The following KLF15 variants were observed in gnomAD, a reference collection of about 807,000 sequenced individuals.
KLF15 encodes the protein KLF transcription factor 15, also known as Krueppel-like factor 15.
In KLF15, 4 loss-of-function variants were observed where a neutral mutation model predicts 24.6. That is an observed-to-expected ratio of 0.16 (90% CI 0.08 to 0.37). KLF15 has a LOEUF of 0.37. Among genes scored for constraint, KLF15 ranks in the 10% least tolerant of loss-of-function variants. The pLI is 1.00. For synonymous variants in KLF15, 246 were observed against 236.3 expected, an observed-to-expected ratio of 1.04 and a Z score of -0.37; for missense variants, 496 against 560.6, an observed-to-expected ratio of 0.88 and a Z score of 1.16.
At chr3:126,338,325 C>T (rs539812251), downstream of KLF15, among the ~76,000 whole-genome samples, 31 of 152,218 alleles carry the variant, frequency 2.0e-4, no homozygotes, top group Admixed American at 1.7e-3. Flanking sequence ...TGACCGTCCA[C>T]GCCTTGTCCA....
intron 2 of KLF15, among the ~76,000 whole-genome samples, 178 bp from the exon 3 acceptor site, chr3:126,344,073 C>T (rs2082510203): frequency 6.6e-6 from 1 of 152,192 alleles, no homozygotes; most frequent in South Asian, 2.1e-4. Flanking sequence ...TAAGGCTATA[C>T]CAGTTCTCAA....
Position 126,350,012 on chromosome 3 carries a change from G to A in KLF15, c.1082+1829C>T, listed in dbSNP as rs117722730. ...GAGCCCTGCACGCCTGCCCTGGGCT[G>A]CAAAGGGCTAGCCCTCCACTCTGCA... On this transcript the variant is annotated intron_variant, in intron 2 of 2. Coordinates refer to ENST00000296233, the MANE Select transcript of KLF15 (RefSeq NM_014079.4). Among the ~76,000 whole-genome samples the A allele has an allele frequency of 7.0e-4, 107 of 152,310 alleles. No homozygotes were observed. In the East Asian group the frequency reaches 0.02, roughly 28 times the overall value.
chr3:126,296,640 C>A, the KLF15 span, among the ~76,000 whole-genome samples: 2 of 152,222 alleles, frequency 1.3e-5, no homozygotes, highest in Non-Finnish European at 2.9e-5. Flanking sequence ...CAAGTCCAGC[C>A]GAGTGAATGT....
At chr3:126,329,057 A>G in the KLF15 span, among the ~76,000 whole-genome samples, 1 of 152,222 alleles carries the variant, frequency 6.6e-6, no homozygotes, top group African/African-American at 2.4e-5. Flanking sequence ...AGTGTCAAGC[A>G]TGTCTATCTT....
the KLF15 span, among the ~76,000 whole-genome samples, chr3:126,331,013 C>G: frequency 6.6e-6 from 1 of 152,162 alleles, no homozygotes; most frequent in Admixed American, 6.5e-5. Flanking sequence ...AGTGAACTGA[C>G]ATGAATGGGG....
In KLF15 at chr3:126,342,805, TAC is replaced by T. The variant is rs1207405366; in HGVS notation, c.*920_*921del. Reference sequence around the variant, plus strand: ...GATATTTTATGTGGATGGACCTATGTACAGTTTATTTACATACATTCATAGGA... The same window carrying T: ...GATATTTTATGTGGATGGACCTATGTAGTTTATTTACATACATTCATAGGA... On this transcript the variant is annotated 3_prime_UTR_variant, in exon 3 of 3. Transcript: ENST00000296233. The T allele has an allele frequency of 1.3e-5, 2 of 152,628 alleles. No individual in the cohort carries two copies. Among genetic ancestry groups the T allele is most frequent in the African/African-American group, 4.8e-5 (2 of 41,454 alleles). The allele number at this position is 152,628 out of a possible 1,614,324, so 9.5% of individuals were successfully genotyped here.
At chr3:126,301,861 G>A in the KLF15 span, among the ~76,000 whole-genome samples, 3 of 151,520 alleles carry the variant, frequency 2.0e-5, no homozygotes, top group Non-Finnish European at 2.9e-5. Context: ...GTGATCTACC[G>A]GCCTCAGCCT....
chr3:126,293,946 C>G, the KLF15 span: 1 of 152,218 alleles, frequency 6.6e-6, no homozygotes, highest in Admixed American at 6.5e-5. Flanking sequence ...AGCTGGACGG[C>G]AGGCAGGCCC....
At chr3:126,321,176 C>A in the KLF15 span, among the ~76,000 whole-genome samples, 1 of 152,204 alleles carries the variant, frequency 6.6e-6, no homozygotes, top group Non-Finnish European at 1.5e-5. Context: ...ATGTCTTCTG[C>A]AGAGTGCTCT....
At chr3:126,321,208 C>A in the KLF15 span, among the ~76,000 whole-genome samples, 1 of 152,204 alleles carries the variant, frequency 6.6e-6, no homozygotes, top group African/African-American at 2.4e-5. Context: ...ACGGCAGAAC[C>A]AAGTCTCTCT....
the KLF15 span, among the ~76,000 whole-genome samples, chr3:126,330,189 G>T: frequency 6.6e-6 from 1 of 152,204 alleles, no homozygotes; most frequent in African/African-American, 2.4e-5. Context: ...AGCCCAGCCT[G>T]AGTCACAGCA....
At chr3:126,345,357 C>G (rs2082526477) in intron 2 of KLF15, among the ~76,000 whole-genome samples, 1 of 151,964 alleles carries the variant, frequency 6.6e-6, no homozygotes, top group African/African-American at 2.4e-5. Flanking sequence ...CTTCCCATGA[C>G]CAGCCCAATG....
chr3:126,338,374 G>T (rs1285574562), downstream of KLF15, among the ~76,000 whole-genome samples: 1 of 152,234 alleles, frequency 6.6e-6, no homozygotes, highest in African/African-American at 2.4e-5. Context: ...CTTTGCTGTG[G>T]AAACAGACAG....
the KLF15 span, among the ~76,000 whole-genome samples, chr3:126,333,942 A>G: frequency 4.6e-5 from 7 of 150,944 alleles, no homozygotes; most frequent in Non-Finnish European, 5.9e-5. Flanking sequence ...GTGACCTACA[A>G]AGAGACTTAG....
chr3:126,342,682 A>C lies in KLF15; in HGVS notation c.*1045T>G, dbSNP rs973082398. 1 of 152,730 alleles carries C rather than the reference A, an allele frequency of 6.5e-6. No homozygotes were observed. The highest frequency in any genetic ancestry group is 2.1e-4 in the South Asian group (1 of 4,818). 9.5% of individuals were successfully genotyped at this position (152,730 alleles called of 1,614,324 possible). ...TGGCAAAGTAAATATATTTTTATGA[A>C]GGACCAAAGAAAATATACGTAATTG... On this transcript the variant is annotated 3_prime_UTR_variant, in exon 3 of 3. Transcript: ENST00000296233.
chr3:126,296,853 A>T, the KLF15 span, among the ~76,000 whole-genome samples: 6 of 152,268 alleles, frequency 3.9e-5, no homozygotes, highest in African/African-American at 7.2e-5. Flanking sequence ...AGTTTGTAAG[A>T]ATTATGTATA....
At chr3:126,355,575 A>T (rs1238803462) in intron 1 of KLF15, among the ~76,000 whole-genome samples, 1 of 152,206 alleles carries the variant, frequency 6.6e-6, no homozygotes, top group African/African-American at 2.4e-5. Flanking sequence ...TCTTCCCTGC[A>T]GTTTCTACTG....
chr3:126,349,294 G>T (rs2082562113), intron 2 of KLF15, among the ~76,000 whole-genome samples: 1 of 152,170 alleles, frequency 6.6e-6, no homozygotes, highest in Non-Finnish European at 1.5e-5. Flanking sequence ...CCACTCCAGG[G>T]GACCTTGGGG....
chr3:126,351,147 G>C (rs932369778), intron 2 of KLF15, among the ~76,000 whole-genome samples: 2 of 152,216 alleles, frequency 1.3e-5, no homozygotes, highest in African/African-American at 4.8e-5. Flanking sequence ...CCACTGCCAT[G>C]CAGACCAGAC....
Sources: gnomAD v4.1 joint callset for allele counts (sites outside exome capture counted in the v4.1 genomes callset) on GRCh38, gnomAD v4.1.1 for gene constraint, MANE v1.5 for transcripts, NCBI Gene and HGNC (gene_info 2026-07-23, HGNC 2026-07-21) for gene names.